Variants in GUCY2C observed in about 807,000 individuals in gnomAD.
GUCY2C encodes guanylyl cyclase C.
In GUCY2C, 118 loss-of-function variants were observed where a neutral mutation model predicts 131.1. The observed-to-expected ratio is 0.90, with a 90% CI of 0.78 to 1.05. The LOEUF (loss-of-function observed/expected upper bound fraction) is 1.05. GUCY2C is among the 50% of genes least tolerant of loss of function. GUCY2C has a pLI of 0.00. For missense variants in GUCY2C, 1,161 were observed against 1,304.4 expected (o/e 0.89, Z 1.69); for synonymous variants, 452 against 457.8 (o/e 0.99, Z 0.16).
intron 24 of GUCY2C, among the ~76,000 whole-genome samples, chr12:14,617,092 T>C (rs1039831743): frequency 2.0e-5 from 3 of 152,152 alleles, no homozygotes; most frequent in Non-Finnish European, 2.9e-5. Flanking sequence ...GCCACTCTCT[T>C]TCTTACTCCT....
intron 11 of GUCY2C, among the ~76,000 whole-genome samples, chr12:14,657,505 C>A (rs1278580073): frequency 6.6e-6 from 1 of 151,982 alleles, no homozygotes; most frequent in African/African-American, 2.4e-5. Flanking sequence ...AGGCCCCCAA[C>A]CCCTGGGCCA....
At chr12:14,631,338 G>A (rs917952355) in intron 19 of GUCY2C, among the ~76,000 whole-genome samples, 3 of 150,990 alleles carry the variant, frequency 2.0e-5, no homozygotes, top group East Asian at 2.0e-4. Context: ...CAATTAACTC[G>A]TCATTTAGCA....
chr12:14,646,467 C>T (rs1436355213), intron 15 of GUCY2C, among the ~76,000 whole-genome samples: 2 of 152,112 alleles, frequency 1.3e-5, no homozygotes, highest in Non-Finnish European at 1.5e-5. Flanking sequence ...TTTAGCGCAC[C>T]ATTCACCCAT....
intron 11 of GUCY2C, among the ~76,000 whole-genome samples, chr12:14,658,287 GT>G (rs937433092): frequency 2.0e-5 from 3 of 152,122 alleles, no homozygotes; most frequent in African/African-American, 7.2e-5. Context: ...TTTACAGAAA[GT>G]TTTGATTTTA....
At chr12:14,637,993 A>C (rs1177465103) in intron 19 of GUCY2C, among the ~76,000 whole-genome samples, 2 of 152,228 alleles carry the variant, frequency 1.3e-5, no homozygotes, top group Non-Finnish European at 2.9e-5. Flanking sequence ...ATGATATTCC[A>C]GAATATACAA....
chr12:14,625,490 G>A (rs747217724), intron 21 of GUCY2C, among the ~76,000 whole-genome samples: 11 of 151,900 alleles, frequency 7.2e-5, no homozygotes, highest in Non-Finnish European at 1.2e-4. Context: ...ACCACACCTG[G>A]CTAATTTTTT....
intron 1 of GUCY2C, among the ~76,000 whole-genome samples, chr12:14,693,727 GCTCT>G (rs1172985404): frequency 6.6e-6 from 1 of 152,154 alleles, no homozygotes; most frequent in Non-Finnish European, 1.5e-5. Context: ...TCTCCATAGA[GCTCT>G]CCACTTAAAT....
At chr12:14,614,152 T>TA (rs1293242107) in intron 26 of GUCY2C, among the ~76,000 whole-genome samples, 1 of 152,140 alleles carries the variant, frequency 6.6e-6, no homozygotes, top group African/African-American at 2.4e-5. Context: ...AAGTGAACTC[T>TA]AAAGTGTCTT....
At chr12:14,645,172 T>C in intron 16 of GUCY2C, 57 bp downstream of exon 16, 3 of 912,792 alleles carry the variant, frequency 3.3e-6, no homozygotes, top group Non-Finnish European at 5.3e-6. Flanking sequence ...GAATAACTTG[T>C]TAGATCTGTT....
chr12:14,663,552 G>A (rs1365655344), intron 10 of GUCY2C, among the ~76,000 whole-genome samples: 1 of 152,174 alleles, frequency 6.6e-6, no homozygotes, highest in Non-Finnish European at 1.5e-5. Context: ...CAAAGTGCTG[G>A]GATTACAGGC....
chr12:14,672,082 G>GA (rs11385690), intron 9 of GUCY2C, among the ~76,000 whole-genome samples: 146,269 of 151,408 alleles, frequency 0.97, 70,719 homozygotes, highest in African/African-American at 0.99. Context: ...ATTGGAAAAT[G>GA]AAAAAAAAAT....
chr12:14,642,230 C>T (rs1947422077), intron 17 of GUCY2C, among the ~76,000 whole-genome samples: 1 of 152,158 alleles, frequency 6.6e-6, no homozygotes, highest in African/African-American at 2.4e-5. Flanking sequence ...CTAGTGCTTA[C>T]ATCTAGTTCA....
intron 1 of GUCY2C, among the ~76,000 whole-genome samples, chr12:14,691,762 A>G (rs1948578008): frequency 6.6e-6 from 1 of 152,188 alleles, no homozygotes; most frequent in Non-Finnish European, 1.5e-5. Context: ...AAAGGGAACC[A>G]ACATCTGTTG....
intron 21 of GUCY2C, among the ~76,000 whole-genome samples, chr12:14,624,074 T>C (rs56279607): frequency 0.033 from 5,047 of 152,256 alleles, 130 homozygotes; most frequent in Middle Eastern, 0.1. Context: ...CATGATGAGC[T>C]TTGATAACAG....
intron 26 of GUCY2C, 70 bp downstream of exon 26, chr12:14,614,797 A>T: frequency 1.1e-6 from 1 of 893,604 alleles, no homozygotes; most frequent in Non-Finnish European, 1.8e-6. Flanking sequence ...TTGCCAATTT[A>T]AATTGGCTGT....
At chr12:14,688,258 G>A (rs1467897031) in intron 1 of GUCY2C, among the ~76,000 whole-genome samples, 195 bp from the exon 2 acceptor site, 3 of 147,480 alleles carry the variant, frequency 2.0e-5, no homozygotes, top group Non-Finnish European at 4.5e-5. Flanking sequence ...TTTCATCTCT[G>A]TTTCTCTCTC....
At chr12:14,653,358 G>C (rs1377971252) in intron 12 of GUCY2C, among the ~76,000 whole-genome samples, 2 of 152,180 alleles carry the variant, frequency 1.3e-5, no homozygotes. Context: ...CTTGGGGAAG[G>C]ATGCTGTACA....
rs587784573 is a variant in GUCY2C at position 14,619,304 on chromosome 12, A to G, written c.2782T>C (p.Cys928Arg). ...WIRIGVHSGP[C>R]AAGVVGIKMP... ...TTGATTCCCACAACTCCAGCAGCAC[A>G]GGGACCTGAAATGAAGGACAGAAAG... Residue 928 changes from cysteine to arginine, a missense_variant, in exon 24 of 27, where the codon TGT becomes CGT. Coordinates refer to ENST00000261170, the MANE Select transcript of GUCY2C (RefSeq NM_004963.4). 2 of 1,605,030 alleles carry G rather than the reference A, an allele frequency of 1.2e-6. No homozygotes were observed. The highest frequency in any genetic ancestry group is 2.2e-5 in the East Asian group (1 of 44,840).
At chr12:14,621,241 G>A (rs749587875) in intron 22 of GUCY2C, 25 bp from the exon 23 acceptor site, 2 of 1,585,300 alleles carry the variant, frequency 1.3e-6, no homozygotes, top group East Asian at 2.2e-5. Flanking sequence ...TCTCATGAGT[G>A]CCTCTGCCCC....
Sources: allele counts gnomAD v4.1 joint callset (sites outside exome capture counted in the v4.1 genomes callset), GRCh38; gene constraint gnomAD v4.1.1; transcripts MANE v1.5; gene names NCBI Gene and HGNC (gene_info 2026-07-23, HGNC 2026-07-21).